The following CCNY variants were observed in gnomAD, a reference collection of about 807,000 sequenced individuals.
CCNY encodes the protein cyclin Y.
In CCNY, 19 loss-of-function variants were observed where a neutral mutation model predicts 42.8. The observed-to-expected ratio is 0.44, with a 90% CI of 0.31 to 0.65. CCNY has a LOEUF of 0.65. Among genes scored for constraint, CCNY ranks in the 30% least tolerant of loss-of-function variants. The probability of loss-of-function intolerance (pLI) is 0.07; values close to 1 mark genes in which losing one functional copy is unlikely to be tolerated. For synonymous variants in CCNY, 165 were observed against 162.7 expected (o/e 1.01, Z -0.11); for missense variants, 370 against 437.3 (o/e 0.85, Z 1.37).
chr10:35,477,230 C>T (rs1320663173), intron 1 of CCNY, among the ~76,000 whole-genome samples: 1 of 151,326 alleles, frequency 6.6e-6, no homozygotes, highest in African/African-American at 2.4e-5. Flanking sequence ...TGGTACCTTT[C>T]CTTCTGAAAC....
chr10:35,544,370 C>T (rs906645784), intron 7 of CCNY, among the ~76,000 whole-genome samples: 16 of 152,160 alleles, frequency 1.1e-4, no homozygotes, highest in African/African-American at 3.9e-4. Context: ...CAGTTACCAA[C>T]AATATTCAGT....
Position 35,337,100 on chromosome 10 carries a change from G to A in CCNY, c.47G>A (p.Arg16Gln). 2 of 1,594,896 alleles carry A rather than the reference G, an allele frequency of 1.3e-6. No homozygotes were observed. Among genetic ancestry groups the A allele is most frequent in the Non-Finnish European group, 1.7e-6 (2 of 1,172,602 alleles). The change falls in exon 1 of 10, where the codon CGG (arginine) becomes CAG (glutamine). Residue 16 changes from arginine (R) to glutamine (Q), a missense_variant. Arg to Gln is a conservative substitution (Grantham distance 43, BLOSUM62 1). This residue lies in a region of CCNY where 136 missense variants were observed against 124.2 expected (regional missense o/e 1.09). Coordinates refer to ENST00000374704, the MANE Select transcript of CCNY (RefSeq NM_145012.6). ...TGCGTGTCGTCCAGTCCCAAGCTCCGGAGGAATGCCCACTCCCGGCTGGAG... is the reference window on the plus strand; with the variant it reads ...TGCGTGTCGTCCAGTCCCAAGCTCCAGAGGAATGCCCACTCCCGGCTGGAG... ...SCCVSSSPKLRRNAHSRLESY... is the reference protein window; with the variant it reads ...SCCVSSSPKLQRNAHSRLESY...
intron 1 of CCNY, among the ~76,000 whole-genome samples, chr10:35,338,214 T>C (rs1836094871): frequency 6.6e-6 from 1 of 152,234 alleles, no homozygotes; most frequent in Non-Finnish European, 1.5e-5. Flanking sequence ...TTCGTTCCTG[T>C]CCACTTTAGG....
chr10:35,491,861 G>A (rs968926686), intron 2 of CCNY, among the ~76,000 whole-genome samples: 9 of 151,708 alleles, frequency 5.9e-5, no homozygotes, highest in Admixed American at 1.3e-4. Flanking sequence ...GATCCCACCC[G>A]CCTCGGCCCT....
intron 7 of CCNY, among the ~76,000 whole-genome samples, chr10:35,540,583 T>G (rs745831336): frequency 5.3e-5 from 8 of 151,278 alleles, no homozygotes; most frequent in Non-Finnish European, 1.0e-4. Flanking sequence ...TTTTGAAGAG[T>G]TTGTGGAAGG....
At chr10:35,480,590 A>G (rs554959161) in intron 1 of CCNY, among the ~76,000 whole-genome samples, 1 of 152,204 alleles carries the variant, frequency 6.6e-6, no homozygotes, top group Admixed American at 6.5e-5. Flanking sequence ...TGGGAACACC[A>G]CCCTGTGTTG....
chr10:35,473,381 A>G (rs897623382), intron 1 of CCNY, among the ~76,000 whole-genome samples: 1 of 152,194 alleles, frequency 6.6e-6, no homozygotes, highest in African/African-American at 2.4e-5. Context: ...CAGTAGAGTA[A>G]CTATTTAAAT....
chr10:35,494,751 A>T (rs1839973863), intron 2 of CCNY, among the ~76,000 whole-genome samples: 1 of 152,248 alleles, frequency 6.6e-6, no homozygotes, highest in South Asian at 2.1e-4. Context: ...TTCTGTTGGC[A>T]TGTTCATATA....
chr10:35,546,011 C>A (rs1318486620), intron 7 of CCNY, among the ~76,000 whole-genome samples: 2 of 152,124 alleles, frequency 1.3e-5, no homozygotes, highest in East Asian at 3.9e-4. Flanking sequence ...CCCCCATTCC[C>A]TCAAAATAGT....
At chr10:35,339,076 C>T (rs1274021035) in intron 1 of CCNY, among the ~76,000 whole-genome samples, 1 of 152,220 alleles carries the variant, frequency 6.6e-6, no homozygotes, top group African/African-American at 2.4e-5. Context: ...GGTTTCCAAT[C>T]TAGGCTGTGG....
At chr10:35,336,077 C>A (rs1269894060), upstream of CCNY, 1 of 152,252 alleles carries the variant, frequency 6.6e-6, no homozygotes, top group Non-Finnish European at 1.5e-5. Context: ...AATCATACCT[C>A]TAAAAAAATA....
chr10:35,562,138 T>C (rs977963748), intron 8 of CCNY, among the ~76,000 whole-genome samples: 17 of 152,242 alleles, frequency 1.1e-4, no homozygotes, highest in African/African-American at 3.9e-4. Flanking sequence ...TTTCTTGTTT[T>C]TGTTTTGCAC....
At chr10:35,484,771 G>A (rs1839749096) in intron 2 of CCNY, among the ~76,000 whole-genome samples, 1 of 152,160 alleles carries the variant, frequency 6.6e-6, no homozygotes, top group Non-Finnish European at 1.5e-5. Context: ...AAGAAACAAA[G>A]CTGGCTTACT....
intron 2 of CCNY, among the ~76,000 whole-genome samples, chr10:35,488,236 G>C (rs1223641153): frequency 6.6e-6 from 1 of 152,170 alleles, no homozygotes; most frequent in Non-Finnish European, 1.5e-5. Flanking sequence ...AGTTTTAGTT[G>C]CACAACCTTT....
intron 3 of CCNY, among the ~76,000 whole-genome samples, chr10:35,257,913 G>A (rs2095716779): frequency 6.6e-6 from 1 of 152,038 alleles, no homozygotes; most frequent in Non-Finnish European, 1.5e-5. Flanking sequence ...CTTAGATTCT[G>A]TTTACTTTTC....
At chr10:35,525,916 TC>T (rs750813952) in intron 4 of CCNY, 47 bp from the exon 5 acceptor site, 159 of 1,558,732 alleles carry the variant, frequency 1.0e-4, no homozygotes, top group Middle Eastern at 1.7e-4. Flanking sequence ...ATGTGTAAGG[TC>T]TTGAATATGC....
In CCNY at chr10:35,352,337, G is replaced by C. The variant is rs113460405; in HGVS notation, c.154+15130G>C. 3.4e-3 allele frequency among the ~76,000 whole-genome samples: 513 copies of C among 152,304 alleles called. 4 individuals are homozygous for C. Among genetic ancestry groups the C allele is most frequent in the African/African-American group, 0.012 (483 of 41,564 alleles). ...TTGTAGCAAGTGGCTGCATCCCCTT[G>C]AAGTGTTTGTGGAATGTGTTCTCTT... On this transcript the variant is annotated intron_variant, in intron 1 of 9. Transcript: ENST00000374704.
intron 1 of CCNY, among the ~76,000 whole-genome samples, chr10:35,373,117 A>G (rs746913550): frequency 1.3e-5 from 2 of 152,262 alleles, no homozygotes; most frequent in African/African-American, 2.4e-5. Context: ...TTAATGAAGT[A>G]TCAGAAGACA....
At chr10:35,504,998 T>C (rs958003303) in intron 3 of CCNY, among the ~76,000 whole-genome samples, 1 of 152,110 alleles carries the variant, frequency 6.6e-6, no homozygotes, top group Non-Finnish European at 1.5e-5. Context: ...AAGGGATTTA[T>C]GTAAAGTTTA....
Sources: allele counts gnomAD v4.1 joint callset (sites outside exome capture counted in the v4.1 genomes callset), GRCh38; gene constraint gnomAD v4.1.1; regional missense constraint gnomAD v4.1.1; transcripts MANE v1.5; gene names NCBI Gene and HGNC (gene_info 2026-07-23, HGNC 2026-07-21).